Variants in PLD3 observed in about 807,000 individuals in gnomAD.
PLD3 encodes phospholipase D family member 3.
Under a neutral mutation model 58.4 loss-of-function variants are expected in PLD3, and 31 were observed. The observed-to-expected ratio is 0.53, with a 90% CI of 0.40 to 0.72. The LOEUF (loss-of-function observed/expected upper bound fraction) is 0.72, where lower values mean the gene tolerates loss of function less well. PLD3 is among the 30% of genes least tolerant of loss of function. The probability of loss-of-function intolerance (pLI) is 0.00; values close to 1 mark genes in which losing one functional copy is unlikely to be tolerated. For synonymous variants in PLD3, 264 were observed against 273.4 expected (o/e 0.97, Z 0.34); for missense variants, 595 against 659.8 (o/e 0.90, Z 1.08).
In PLD3 at chr19:40,378,290, C is replaced by T. The variant is rs2079296819; in HGVS notation, c.*117C>T. The T allele has an allele frequency of 2.1e-6, 2 of 951,296 alleles. No individual in the cohort carries two copies. The highest frequency in any genetic ancestry group is 2.4e-5 in the East Asian group (1 of 41,088). 58.9% of individuals were successfully genotyped at this position (951,296 alleles called of 1,614,324 possible). A position where few individuals can be genotyped will look rare whatever the true frequency, so the allele number is the denominator to read the frequency against. ...GTCTGCCCCATTGTGGCTCCTCAGG[C>T]TCTCTCCCCTGCTCTCCCACCTCTA... On this transcript the variant is annotated 3_prime_UTR_variant, in exon 13 of 13. Transcript: ENST00000409735.
intron 1 of PLD3, among the ~76,000 whole-genome samples, chr19:40,354,978 A>G (rs1030866901): frequency 3.3e-5 from 5 of 151,172 alleles, no homozygotes; most frequent in Non-Finnish European, 5.9e-5. Context: ...AGCTGGGACT[A>G]TAGATGCACA....
At chr19:40,366,991 C>A in intron 5 of PLD3, 76 bp downstream of exon 5, 1 of 1,478,342 alleles carries the variant, frequency 6.8e-7, no homozygotes, top group Non-Finnish European at 9.1e-7. Context: ...CTAAACAGGG[C>A]CTGCACTCAG....
At chr19:40,350,270 A>AG (rs956208217) in intron 1 of PLD3, among the ~76,000 whole-genome samples, 5 of 151,778 alleles carry the variant, frequency 3.3e-5, no homozygotes, top group African/African-American at 1.2e-4. Flanking sequence ...CAAAAAAAAA[A>AG]AAAAAAAAAA....
At chr19:40,363,686 C>T (rs2078843364) in intron 1 of PLD3, among the ~76,000 whole-genome samples, 1 of 152,174 alleles carries the variant, frequency 6.6e-6, no homozygotes, top group Non-Finnish European at 1.5e-5. Flanking sequence ...CCACCTCGGC[C>T]TCCCAAAGTG....
At position 40,377,949 on chromosome 19, in the gene PLD3, C is replaced by T. The variant is rs1468525503; in HGVS notation, c.1286-37C>T. On this transcript the variant is annotated intron_variant, in intron 12 of 12. Coordinates refer to ENST00000409735, the MANE Select transcript of PLD3 (RefSeq NM_012268.4). ...GGGTTCAGACACCAGGGGCGGCCCCCCGAGGGTGCCCTTATGCTCCACCCA... is the reference window on the plus strand; with the variant it reads ...GGGTTCAGACACCAGGGGCGGCCCCTCGAGGGTGCCCTTATGCTCCACCCA... The T allele has an allele frequency of 2.5e-6, 4 of 1,612,608 alleles. No individual in the cohort carries two copies. The South Asian group carries it at 3.3e-5, about 13-fold the overall frequency.
intron 1 of PLD3, among the ~76,000 whole-genome samples, chr19:40,363,330 C>T: frequency 6.8e-6 from 1 of 146,934 alleles, no homozygotes; most frequent in East Asian, 2.0e-4. Context: ...TGGTCAACCG[C>T]CTCTAAGACT....
At chr19:40,352,277 A>G (rs1309867050) in intron 1 of PLD3, among the ~76,000 whole-genome samples, 1 of 152,146 alleles carries the variant, frequency 6.6e-6, no homozygotes, top group Non-Finnish European at 1.5e-5. Context: ...CATCTCAGAT[A>G]AATAAATAAA....
chr19:40,364,103 C>A (rs1322148452), intron 1 of PLD3, among the ~76,000 whole-genome samples: 1 of 152,094 alleles, frequency 6.6e-6, no homozygotes, highest in African/African-American at 2.4e-5. Flanking sequence ...TGCCTGTAAT[C>A]CCAGCACTTT....
intron 11 of PLD3, among the ~76,000 whole-genome samples, chr19:40,377,133 A>G (rs12608707): frequency 0.4 from 33,446 of 84,304 alleles, 6,766 homozygotes; most frequent in East Asian, 0.67. Flanking sequence ...GAGGGCACAG[A>G]GAGAGGGGTT....
intron 1 of PLD3, among the ~76,000 whole-genome samples, chr19:40,361,919 C>T (rs1161171930): frequency 6.6e-6 from 1 of 151,942 alleles, no homozygotes; most frequent in African/African-American, 2.4e-5. Flanking sequence ...TCACTGCAAC[C>T]TCCACCTCCC....
At chr19:40,350,271 A>C (rs1568642084) in intron 1 of PLD3, among the ~76,000 whole-genome samples, 4 of 151,714 alleles carry the variant, frequency 2.6e-5, no homozygotes, top group Admixed American at 2.0e-4. Flanking sequence ...AAAAAAAAAA[A>C]AAAAAAAAAA....
rs897856291 is a variant in PLD3 at position 40,373,401 on chromosome 19, AC to A, written c.880-1076del. ...AGACCAGCCTGGGAAACGTGATGAA[AC>A]CCCATCTCTACCAAAAATACAAAAA... On this transcript the variant is annotated intron_variant, in intron 9 of 12. Coordinates refer to ENST00000409735, the MANE Select transcript of PLD3 (RefSeq NM_012268.4). Among the ~76,000 whole-genome samples the A allele has an allele frequency of 2.6e-5, 4 of 151,782 alleles. 1 individual carries two copies.
At chr19:40,354,861 T>C (rs1449845368) in intron 1 of PLD3, among the ~76,000 whole-genome samples, 1 of 150,896 alleles carries the variant, frequency 6.6e-6, no homozygotes, top group Non-Finnish European at 1.5e-5. Flanking sequence ...GTTTTGAGAC[T>C]GAGTCTCACT....
intron 1 of PLD3, chr19:40,355,796 A>T (rs900865597): frequency 6.6e-6 from 1 of 151,778 alleles, no homozygotes; most frequent in East Asian, 1.9e-4. Context: ...GATAGCCTGG[A>T]CCTGCCGTCA....
chr19:40,371,417 TAAGA>T (rs1757624575), intron 8 of PLD3: 1 of 496,224 alleles, frequency 2.0e-6, no homozygotes, highest in African/African-American at 1.9e-5. Flanking sequence ...AGCCTAGACC[TAAGA>T]ATGAGTAGAA....
chr19:40,376,644 CCACCTACGAGCGTGGCG>C lies in PLD3; in HGVS notation c.1056_1072del (p.Thr353GlnfsTer28). On this transcript the variant is annotated frameshift_variant, in exon 11 of 13. Transcript: ENST00000409735. LOFTEE classifies it high-confidence loss of function. ...GCCATTGACGATGGGCTGCGGCGGG[CCACCTACGAGCGTGGCG>C]TCAAGGTGCGCCTGCTCATCAGCTG... The C allele has an allele frequency of 6.2e-7, 1 of 1,608,052 alleles. No individual in the cohort carries two copies. Among genetic ancestry groups the C allele is most frequent in the East Asian group, 2.2e-5 (1 of 44,878 alleles).
rs370307341 is a variant in PLD3, at chr19:40,371,780, A to G, written c.786A>G (p.Pro262=). Residue 262 remains proline (P), a synonymous_variant, in exon 9 of 13, where the codon CCA becomes CCG. Coordinates refer to ENST00000409735, the MANE Select transcript of PLD3 (RefSeq NM_012268.4). ...TGGGCCAGGCAGGCAGCTCCATCCCATCAACTTGGCCCCGGTTCTATGACA... is the reference window on the plus strand; with the variant it reads ...TGGGCCAGGCAGGCAGCTCCATCCCGTCAACTTGGCCCCGGTTCTATGACA... ...WFLGQAGSSI[P]STWPRFYDTR... The G allele has an allele frequency of 1.2e-6, 2 of 1,613,928 alleles. No individual in the cohort carries two copies. Among genetic ancestry groups the G allele is most frequent in the African/African-American group, 2.7e-5 (2 of 74,898 alleles).
At chr19:40,349,739 A>T (rs1199546004) in intron 1 of PLD3, among the ~76,000 whole-genome samples, 1 of 151,816 alleles carries the variant, frequency 6.6e-6, no homozygotes, top group Admixed American at 6.6e-5. Flanking sequence ...TGGGCGGATC[A>T]CCTGATGTCG....
At chr19:40,377,765 C>A in intron 11 of PLD3, 21 bp from the exon 12 acceptor site, 19 of 1,593,924 alleles carry the variant, frequency 1.2e-5, no homozygotes, top group Non-Finnish European at 1.6e-5. Context: ...ACACTCCTTC[C>A]CATCCTCCCC....
Sources: gnomAD v4.1 joint callset for allele counts (sites outside exome capture counted in the v4.1 genomes callset) on GRCh38, gnomAD v4.1.1 for gene constraint, MANE v1.5 for transcripts, NCBI Gene and HGNC (gene_info 2026-07-23, HGNC 2026-07-21) for gene names.